DKK2: variants seen among roughly 807,000 people sequenced by gnomAD.
DKK2 encodes dickkopf Wnt signaling pathway inhibitor 2, also known as dickkopf-related protein 2.
A neutral mutation model predicts 28.1 loss-of-function variants in DKK2; 11 were observed. The observed-to-expected ratio is 0.39, with a 90% confidence interval of 0.25 to 0.65. DKK2 has a LOEUF of 0.65. DKK2 is among the 30% of genes least tolerant of loss of function. DKK2 has a pLI of 0.47. For missense variants in DKK2, 326 were observed against 335.5 expected (o/e 0.97, Z 0.22); for synonymous variants, 135 against 126.5 (o/e 1.07, Z -0.45).
intron 1 of DKK2, among the ~76,000 whole-genome samples, chr4:106,964,260 G>A (rs1722734222): frequency 6.6e-6 from 1 of 152,100 alleles, no homozygotes; most frequent in Admixed American, 6.6e-5. Flanking sequence ...GACACAGAAA[G>A]ACAAATATTA....
intron 1 of DKK2, among the ~76,000 whole-genome samples, chr4:107,019,728 G>A (rs995981270): frequency 6.6e-6 from 1 of 152,008 alleles, no homozygotes; most frequent in East Asian, 1.9e-4. Context: ...AAAAGCAGCA[G>A]TCAGTTTTGT....
chr4:106,937,168 T>A (rs2110342191), intron 1 of DKK2, among the ~76,000 whole-genome samples: 1 of 149,776 alleles, frequency 6.7e-6, no homozygotes, highest in South Asian at 2.1e-4. Flanking sequence ...AGACACAGAC[T>A]GGCAAATTGG....
intron 1 of DKK2, among the ~76,000 whole-genome samples, chr4:107,024,412 T>C (rs1256899332): frequency 3.3e-5 from 5 of 152,134 alleles, no homozygotes; most frequent in African/African-American, 1.2e-4. Flanking sequence ...CTACTGATAC[T>C]AATTTTTAAA....
chr4:107,009,065 G>T (rs1723478927), intron 1 of DKK2, among the ~76,000 whole-genome samples: 1 of 151,844 alleles, frequency 6.6e-6, no homozygotes, highest in Admixed American at 6.6e-5. Context: ...AACATCAAGG[G>T]TTACTGTGAT....
intron 1 of DKK2, among the ~76,000 whole-genome samples, chr4:106,938,408 G>C (rs564122672): frequency 1.2e-3 from 181 of 152,228 alleles, no homozygotes; most frequent in African/African-American, 3.0e-3. Flanking sequence ...ACTCTCCCAA[G>C]ACTAAACCAG....
At chr4:106,977,747 C>A (rs1378286582) in intron 1 of DKK2, among the ~76,000 whole-genome samples, 1 of 152,212 alleles carries the variant, frequency 6.6e-6, no homozygotes, top group African/African-American at 2.4e-5. Flanking sequence ...GTCAATTCGT[C>A]AAACTCATTC....
chr4:107,014,374 A>C, intron 1 of DKK2, among the ~76,000 whole-genome samples: 1 of 151,686 alleles, frequency 6.6e-6, no homozygotes, highest in Middle Eastern at 3.4e-3. Flanking sequence ...TGTTAAGTAT[A>C]ATAAGCCATG....
chr4:106,958,715 T>C, intron 1 of DKK2, among the ~76,000 whole-genome samples: 1 of 151,476 alleles, frequency 6.6e-6, no homozygotes, highest in Non-Finnish European at 1.5e-5. Context: ...CAGGCGCCTG[T>C]AATCTTAGCT....
At chr4:106,960,830 A>G (rs1722675291) in intron 1 of DKK2, among the ~76,000 whole-genome samples, 1 of 152,192 alleles carries the variant, frequency 6.6e-6, no homozygotes, top group South Asian at 2.1e-4. Flanking sequence ...AACAATAATG[A>G]GAAATTAAAC....
At chr4:106,956,697 AT>A (rs1722599159) in intron 1 of DKK2, among the ~76,000 whole-genome samples, 1 of 152,144 alleles carries the variant, frequency 6.6e-6, no homozygotes, top group Admixed American at 6.5e-5. Flanking sequence ...CTGGCTAGCC[AT>A]ATGTAGAAAG....
intron 2 of DKK2, 30 bp from the exon 3 acceptor site, chr4:106,924,730 A>C: frequency 1.3e-6 from 2 of 1,596,306 alleles, no homozygotes; most frequent in South Asian, 1.1e-5. Flanking sequence ...CAGTTAGACT[A>C]ATTCAATTCT....
chr4:106,982,337 C>T lies in DKK2; in HGVS notation c.222+53033G>A, dbSNP rs568544260. Among the ~76,000 whole-genome samples, 4 of 152,194 alleles carry T rather than the reference C, an allele frequency of 2.6e-5. No homozygotes were observed. The East Asian group carries it at 5.8e-4, about 22-fold the overall frequency. On this transcript the variant is annotated intron_variant, in intron 1 of 3. Coordinates refer to ENST00000285311, the MANE Select transcript of DKK2 (RefSeq NM_014421.3). ...GGAAGAAAGAAGTGCACAGAATTTGCGTAAGTTAGTGTACTCATCACCCCT... is the reference window on the plus strand; with the variant it reads ...GGAAGAAAGAAGTGCACAGAATTTGTGTAAGTTAGTGTACTCATCACCCCT...
intron 3 of DKK2, 150 bp from the exon 4 acceptor site, chr4:106,924,354 G>C: frequency 7.9e-7 from 1 of 1,271,590 alleles, no homozygotes; most frequent in Non-Finnish European, 1.1e-6. Flanking sequence ...ATACCAATTG[G>C]CTCTGCCTCT....
chr4:106,970,255 TTTAA>T (rs1189689688), intron 1 of DKK2, among the ~76,000 whole-genome samples: 4 of 152,070 alleles, frequency 2.6e-5, no homozygotes, highest in South Asian at 2.1e-4. Flanking sequence ...TGTGGGATTG[TTTAA>T]TTAAGGAGAT....
intron 1 of DKK2, among the ~76,000 whole-genome samples, chr4:106,949,725 C>A (rs938402360): frequency 2.0e-5 from 3 of 152,070 alleles, no homozygotes; most frequent in African/African-American, 7.2e-5. Context: ...AACAAGTTAT[C>A]TCTTGCAATT....
intron 1 of DKK2, among the ~76,000 whole-genome samples, chr4:106,985,646 T>G (rs1405507316): frequency 6.6e-6 from 1 of 150,946 alleles, no homozygotes; most frequent in African/African-American, 2.4e-5. Flanking sequence ...TCGTTTCTAC[T>G]AAAAATACAA....
intron 1 of DKK2, among the ~76,000 whole-genome samples, chr4:107,029,199 A>G (rs750248160): frequency 7.2e-5 from 11 of 152,200 alleles, no homozygotes; most frequent in Non-Finnish European, 1.5e-4. Context: ...ATTCAAGTAT[A>G]GAGAGAGAAG....
intron 1 of DKK2, among the ~76,000 whole-genome samples, chr4:106,955,442 G>T (rs2052176225): frequency 6.6e-6 from 1 of 152,162 alleles, no homozygotes; most frequent in Non-Finnish European, 1.5e-5. Flanking sequence ...ATTGGCAGAG[G>T]AACAGCCACA....
chr4:106,995,453 C>T (rs1358424449), intron 1 of DKK2, among the ~76,000 whole-genome samples: 1 of 152,130 alleles, frequency 6.6e-6, no homozygotes, highest in Non-Finnish European at 1.5e-5. Flanking sequence ...ATACACAGAA[C>T]AAATTCATTT....
Sources: gnomAD v4.1 joint callset for allele counts (sites outside exome capture counted in the v4.1 genomes callset) on GRCh38, gnomAD v4.1.1 for gene constraint, MANE v1.5 for transcripts, NCBI Gene and HGNC (gene_info 2026-07-23, HGNC 2026-07-21) for gene names.